The following HTT variants were observed in gnomAD, a reference collection of about 807,000 sequenced individuals.
HTT encodes the protein huntington disease protein.
A neutral mutation model predicts 362.3 loss-of-function variants in HTT; 104 were observed. The observed-to-expected ratio is 0.29, with a 90% CI of 0.24 to 0.34. The LOEUF is 0.34. HTT is among the 10% of genes least tolerant of loss of function. The pLI, the probability that HTT is intolerant of heterozygous loss-of-function variation, is 1.00. For synonymous variants in HTT, 1,577 were observed against 1,548.7 expected (o/e 1.02, Z -0.43); for missense variants, 3,301 against 3,928.6 (o/e 0.84, Z 4.27).
At chr4:3,181,870 A>G (rs1167842804) in intron 36 of HTT, among the ~76,000 whole-genome samples, 1 of 152,156 alleles carries the variant, frequency 6.6e-6, no homozygotes, top group East Asian at 1.9e-4. Context: ...AATGATCACT[A>G]ATAAACTTGT....
intron 19 of HTT, 91 bp downstream of exon 19, chr4:3,134,631 C>G: frequency 8.6e-7 from 1 of 1,156,878 alleles, no homozygotes; most frequent in Non-Finnish European, 1.2e-6. Context: ...TATCAAGTAC[C>G]CTGTCCATCA....
At chr4:3,215,246 G>A (rs951220485) in intron 51 of HTT, 35 bp downstream of exon 51, 1 of 1,504,080 alleles carries the variant, frequency 6.6e-7, no homozygotes, top group Non-Finnish European at 9.2e-7. Context: ...CTTACATGTT[G>A]TTCCTCCAGG....
intron 1 of HTT, among the ~76,000 whole-genome samples, chr4:3,081,663 A>G (rs1712916050): frequency 6.8e-6 from 1 of 148,090 alleles, no homozygotes; most frequent in African/African-American, 2.5e-5. Context: ...GGTTCAAGAC[A>G]TTCTCCTGCA....
In HTT at chr4:3,128,085, A is replaced by C. The variant is rs186313369; in HGVS notation, c.1743+481A>C. The stretch of plus-strand genomic sequence containing the variant: ...GTAGGTGGGATTACAGGTGGGCACC[A>C]CCACACTCAGCTAATGTTTGTATTT... On this transcript the variant is annotated intron_variant, in intron 12 of 66. Transcript: ENST00000355072. Among the ~76,000 whole-genome samples the C allele has an allele frequency of 1.4e-3, 212 of 152,130 alleles. 1 individual carries two copies. Among genetic ancestry groups the C allele is most frequent in the African/African-American group, 4.6e-3 (191 of 41,530 alleles).
At position 3,235,366 on chromosome 4, in the gene HTT, G is replaced by A. The variant is rs768350905; in HGVS notation, c.8539G>A (p.Val2847Ile). 6.2e-6 allele frequency: 10 copies of A among 1,613,276 alleles called. No homozygotes were observed. Among genetic ancestry groups the A allele is most frequent in the Middle Eastern group, 1.7e-4 (1 of 6,058 alleles). Residue 2847 changes from valine (V) to isoleucine (I), a missense_variant, in exon 62 of 67, where the codon GTA (valine) becomes ATA (isoleucine). Transcript: ENST00000355072. ...CCTCATTGAGAACTATCCTCTGGACGTAGGGCCGGAATTTTCAGCATCAAT... is the reference window on the plus strand; with the variant it reads ...CCTCATTGAGAACTATCCTCTGGACATAGGGCCGGAATTTTCAGCATCAAT... ...FYLIENYPLD[V>I]GPEFSASIIQ...
chr4:3,132,532 G>T (rs763634556), intron 16 of HTT, 30 bp from the exon 17 acceptor site: 2 of 1,598,802 alleles, frequency 1.3e-6, no homozygotes, highest in Non-Finnish European at 1.7e-6. Context: ...GTAGGGAATT[G>T]TTCCATGGCT....
intron 1 of HTT, among the ~76,000 whole-genome samples, chr4:3,076,143 G>A (rs557883900): frequency 6.6e-6 from 1 of 152,242 alleles, no homozygotes; most frequent in African/African-American, 2.4e-5. Context: ...TTGGAAGCTA[G>A]GGGTTTCTGT....
At position 3,075,049 on chromosome 4, in the gene HTT, C is replaced by T. The variant is rs1712437349; in HGVS notation, c.224C>T (p.Pro75Leu). The T allele has an allele frequency of 1.6e-6, 2 of 1,249,438 alleles. No homozygotes were observed. Among genetic ancestry groups the T allele is most frequent in the East Asian group, 3.2e-5 (1 of 31,180 alleles). 77.4% of individuals were successfully genotyped at this position (1,249,438 alleles called of 1,614,324 possible). A position where few individuals can be genotyped will look rare whatever the true frequency, so the allele number is the denominator to read the frequency against. The stretch of plus-strand genomic sequence containing the variant: ...CCGCCCCCGCCGCCGCCCCCGCCGC[C>T]ACCCGGCCCGGCTGTGGCTGAGGAG... ...PQPPPPPPPP[P>L]PGPAVAEEPL... The change falls in exon 1 of 67, where the codon CCA becomes CTA. Residue 75 changes from proline to leucine, a missense_variant. This residue lies in a region of HTT where 2,316 missense variants were observed against 2,658.5 expected (regional missense o/e 0.87). Coordinates refer to ENST00000355072, the MANE Select transcript of HTT (RefSeq NM_001388492.1).
intron 10 of HTT, among the ~76,000 whole-genome samples, chr4:3,125,239 A>G (rs1395104500): frequency 1.3e-5 from 2 of 152,166 alleles, no homozygotes; most frequent in African/African-American, 4.8e-5. Context: ...AAGTTTAAGT[A>G]GTAATATAGA....
At chr4:3,173,862 G>A (rs918640210) in intron 31 of HTT, among the ~76,000 whole-genome samples, 8 of 151,860 alleles carry the variant, frequency 5.3e-5, no homozygotes, top group Non-Finnish European at 7.4e-5. Context: ...TAGTAGAGAC[G>A]GGGTTTCACC....
intron 37 of HTT, 88 bp downstream of exon 37, chr4:3,182,558 C>T: frequency 2.5e-6 from 2 of 799,594 alleles, no homozygotes; most frequent in Non-Finnish European, 4.4e-6. Flanking sequence ...TCAGCTCTTC[C>T]TTCAGTCCTA....
chr4:3,235,831 G>A, intron 63 of HTT, 53 bp downstream of exon 63: 9 of 1,376,726 alleles, frequency 6.5e-6, no homozygotes, highest in South Asian at 1.2e-5. Flanking sequence ...TTCAAGGGAG[G>A]CAGGAGCATG....
chr4:3,160,417 G>T, intron 29 of HTT, 25 bp downstream of exon 29: 1 of 1,445,046 alleles, frequency 6.9e-7, no homozygotes, highest in African/African-American at 1.4e-5. Context: ...TTTTCTCCTT[G>T]GGTTGTGGCT....
rs372997710 is a variant in HTT at position 3,076,642 on chromosome 4, A to G, written c.263+1554A>G. On this transcript the variant is annotated intron_variant, in intron 1 of 66. Transcript: ENST00000355072. ...AGGTAGGTGTCATAAAAGTTCACAC[A>G]TTGCATGTATCTTGTGTAAACACTA... 1.1e-4 allele frequency among the ~76,000 whole-genome samples: 16 copies of G among 152,336 alleles called. No homozygotes were observed. The East Asian group carries it at 3.1e-3, about 29-fold the overall frequency.
intron 21 of HTT, among the ~76,000 whole-genome samples, chr4:3,136,925 T>A (rs1342620796): frequency 6.6e-6 from 1 of 151,964 alleles, no homozygotes; most frequent in Non-Finnish European, 1.5e-5. Flanking sequence ...GAATTTTTTT[T>A]TTTATTTTTT....
chr4:3,150,732 C>A (rs1716838016), intron 26 of HTT, among the ~76,000 whole-genome samples: 1 of 152,138 alleles, frequency 6.6e-6, no homozygotes, highest in African/African-American at 2.4e-5. Flanking sequence ...GGGTCCCCAA[C>A]CTCTGTTAAA....
rs757165713 is a variant in HTT, at chr4:3,157,151, A to G, written c.3705A>G (p.Ser1235=). The G allele has an allele frequency of 4.3e-6, 7 of 1,613,628 alleles. No individual in the cohort carries two copies. The highest frequency in any genetic ancestry group is 1.7e-5 in the Admixed American group (1 of 59,970). The change falls in exon 28 of 67, where the codon TCA becomes TCG. Residue 1235 remains serine (S), a synonymous_variant. Coordinates refer to ENST00000355072, the MANE Select transcript of HTT (RefSeq NM_001388492.1). ...TGGGGAGTTTCTATCATCTTCCTTC[A>G]TACCTCAAACTGCATGATGTCCTGA... ...SSLGSFYHLP[S]YLKLHDVLKA...
At chr4:3,157,394 T>A (rs1026449621) in intron 28 of HTT, among the ~76,000 whole-genome samples, 195 bp downstream of exon 28, 3 of 152,226 alleles carry the variant, frequency 2.0e-5, no homozygotes, top group Non-Finnish European at 4.4e-5. Flanking sequence ...GATTTTCATA[T>A]TGTTTGTACT....
At chr4:3,078,926 G>A (rs531539999) in intron 1 of HTT, among the ~76,000 whole-genome samples, 16 of 152,226 alleles carry the variant, frequency 1.1e-4, no homozygotes, top group African/African-American at 1.2e-4. Flanking sequence ...TAATAGAGAC[G>A]GGGTTTCACC....
Sources: allele counts gnomAD v4.1 joint callset (sites outside exome capture counted in the v4.1 genomes callset), GRCh38; gene constraint gnomAD v4.1.1; regional missense constraint gnomAD v4.1.1; transcripts MANE v1.5; gene names NCBI Gene and HGNC (gene_info 2026-07-23, HGNC 2026-07-21).